DPYD: variants seen among roughly 807,000 people sequenced by gnomAD.
DPYD encodes the protein dihydropyrimidine dehydrogenase.
DPYD carries 109 observed loss-of-function variants against 116.2 expected under a neutral mutation model. The ratio of observed to expected loss-of-function variants is 0.94; its 90% CI spans 0.80 to 1.10. DPYD has a LOEUF of 1.10. Among genes scored for constraint, DPYD ranks in the 50% least tolerant of loss-of-function variants. DPYD has a pLI of 0.00. For missense variants in DPYD, 1,302 were observed against 1,254.5 expected (o/e 1.04, Z -0.57); for synonymous variants, 440 against 432.0 (o/e 1.02, Z -0.23).
chr1:97,883,156 T>C lies in DPYD; in HGVS notation c.150+108A>G, dbSNP rs567974885. On this transcript the variant is annotated intron_variant, in intron 2 of 22. Transcript: ENST00000370192. ...TTAAATATTTAAAATATTTTTAAAA[T>C]CACGGCTGTACTTTAATACCTTATT... is the stretch of plus-strand genomic sequence containing the variant. The C allele has an allele frequency of 5.2e-5, 36 of 686,644 alleles. No individual in the cohort carries two copies. In the African/African-American group the frequency reaches 6.0e-4, roughly 11 times the overall value. 42.5% of individuals were successfully genotyped at this position (686,644 alleles called of 1,614,324 possible).
intron 16 of DPYD, among the ~76,000 whole-genome samples, chr1:97,337,006 A>T (rs900874634): frequency 5.3e-5 from 8 of 152,188 alleles, no homozygotes; most frequent in Non-Finnish European, 5.9e-5. Flanking sequence ...CACTTCTGAT[A>T]GTGTTTTGAG....
chr1:97,829,378 A>G (rs1669411743), intron 2 of DPYD, among the ~76,000 whole-genome samples: 1 of 152,082 alleles, frequency 6.6e-6, no homozygotes, highest in Non-Finnish European at 1.5e-5. Context: ...ACACACAGTT[A>G]TATGTTGTTA....
chr1:97,637,237 C>T (rs904528482), intron 8 of DPYD, among the ~76,000 whole-genome samples: 1 of 152,030 alleles, frequency 6.6e-6, no homozygotes, highest in Admixed American at 6.6e-5. Flanking sequence ...TTATCACAAA[C>T]TTTATCTCCC....
intron 8 of DPYD, among the ~76,000 whole-genome samples, chr1:97,610,361 C>T (rs1015229326): frequency 1.3e-5 from 2 of 151,992 alleles, no homozygotes; most frequent in African/African-American, 4.8e-5. Flanking sequence ...ATACCACAGC[C>T]GACTCCCTTG....
intron 11 of DPYD, among the ~76,000 whole-genome samples, chr1:97,556,325 CTTTT>C (rs112978529): frequency 6.6e-6 from 1 of 150,462 alleles, no homozygotes; most frequent in South Asian, 2.1e-4. Flanking sequence ...TTTCTATTCC[CTTTT>C]TTTTTATTTT....
intron 20 of DPYD, among the ~76,000 whole-genome samples, chr1:97,139,952 T>G (rs1327301767): frequency 6.6e-6 from 1 of 152,018 alleles, no homozygotes; most frequent in East Asian, 1.9e-4. Context: ...TTCCGCTACC[T>G]CAAGCCAAGT....
intron 20 of DPYD, among the ~76,000 whole-genome samples, chr1:97,144,784 T>C (rs1654488913): frequency 6.6e-6 from 1 of 152,234 alleles, no homozygotes; most frequent in African/African-American, 2.4e-5. Context: ...ATCACTATAA[T>C]CTGATGCAGC....
intron 16 of DPYD, among the ~76,000 whole-genome samples, chr1:97,351,838 A>G (rs767767928): frequency 6.6e-6 from 1 of 152,130 alleles, no homozygotes; most frequent in African/African-American, 2.4e-5. Context: ...AAAACATTTA[A>G]AAGGAACAAG....
At chr1:97,199,893 A>C (rs1009281450) in intron 19 of DPYD, among the ~76,000 whole-genome samples, 27 of 152,228 alleles carry the variant, frequency 1.8e-4, no homozygotes, top group African/African-American at 6.5e-4. Flanking sequence ...ATTTCACGTA[A>C]TCTAGAATTT....
At chr1:97,709,819 G>C (rs1662187089) in intron 5 of DPYD, among the ~76,000 whole-genome samples, 1 of 151,738 alleles carries the variant, frequency 6.6e-6, no homozygotes, top group Admixed American at 6.6e-5. Flanking sequence ...AACCCTTCTT[G>C]CTAAGAGTAT....
At chr1:97,902,019 C>G (rs189003495) in intron 1 of DPYD, among the ~76,000 whole-genome samples, 189 of 151,900 alleles carry the variant, frequency 1.2e-3, no homozygotes, top group Non-Finnish European at 2.0e-3. Context: ...CTAAAATTCT[C>G]TGCTTATATG....
At chr1:97,306,855 T>C (rs1667204761) in intron 16 of DPYD, among the ~76,000 whole-genome samples, 1 of 151,982 alleles carries the variant, frequency 6.6e-6, no homozygotes, top group Non-Finnish European at 1.5e-5. Context: ...GTATTATACA[T>C]GAGCTGATCA....
chr1:97,200,587 T>C (rs1281798582), intron 19 of DPYD, among the ~76,000 whole-genome samples: 1 of 152,190 alleles, frequency 6.6e-6, no homozygotes, highest in Non-Finnish European at 1.5e-5. Flanking sequence ...CCTATTTTGA[T>C]AAGCACATAT....
intron 14 of DPYD, among the ~76,000 whole-genome samples, chr1:97,384,769 CA>C (rs1263934967): frequency 1.3e-5 from 2 of 151,974 alleles, no homozygotes; most frequent in African/African-American, 4.8e-5. Flanking sequence ...GACTCTGAAT[CA>C]AAGCCACTGA....
At chr1:97,645,073 T>C (rs1658177812) in intron 8 of DPYD, among the ~76,000 whole-genome samples, 1 of 152,150 alleles carries the variant, frequency 6.6e-6, no homozygotes, top group Non-Finnish European at 1.5e-5. Flanking sequence ...ACTTACAGTA[T>C]TCTATTGCAT....
chr1:97,801,948 T>C (rs1282537179), intron 3 of DPYD, among the ~76,000 whole-genome samples: 1 of 151,784 alleles, frequency 6.6e-6, no homozygotes, highest in Non-Finnish European at 1.5e-5. Context: ...AAACTTAACA[T>C]ATCTCCTTTT....
intron 7 of DPYD, among the ~76,000 whole-genome samples, chr1:97,688,110 A>C (rs557285999): frequency 2.6e-5 from 4 of 152,224 alleles, no homozygotes; most frequent in African/African-American, 4.8e-5. Flanking sequence ...CGCATCCTGC[A>C]CGTGCATCCT....
At chr1:97,726,567 T>C (rs1663275078) in intron 4 of DPYD, among the ~76,000 whole-genome samples, 1 of 151,566 alleles carries the variant, frequency 6.6e-6, no homozygotes, top group South Asian at 2.1e-4. Context: ...AAACACTTGA[T>C]GTGATTCATT....
chr1:97,646,134 T>C (rs1658245599), intron 8 of DPYD, among the ~76,000 whole-genome samples: 1 of 152,108 alleles, frequency 6.6e-6, no homozygotes, highest in African/African-American at 2.4e-5. Flanking sequence ...AAAGTACAAT[T>C]TCAAACATTT....
Sources: allele counts gnomAD v4.1 joint callset (sites outside exome capture counted in the v4.1 genomes callset), GRCh38; gene constraint gnomAD v4.1.1; transcripts MANE v1.5; gene names NCBI Gene and HGNC (gene_info 2026-07-23, HGNC 2026-07-21).